DCC: variants seen among roughly 807,000 people sequenced by gnomAD.
DCC encodes the protein netrin receptor DCC.
Under a neutral mutation model 172.5 loss-of-function variants are expected in DCC, and 58 were observed. That is an observed-to-expected ratio of 0.34 (90% CI 0.27 to 0.42). The LOEUF (loss-of-function observed/expected upper bound fraction) is 0.42, where lower values mean the gene tolerates loss of function less well. Ranked by LOEUF, DCC falls within the 10% of genes least tolerant of loss-of-function variation. The pLI is 1.00. For synonymous variants in DCC, 709 were observed against 644.5 expected (o/e 1.10, Z -1.52); for missense variants, 1,740 against 1,791.0 (o/e 0.97, Z 0.51).
chr18:53,325,805 G>T (rs2057461803), intron 14 of DCC, among the ~76,000 whole-genome samples: 1 of 152,126 alleles, frequency 6.6e-6, no homozygotes, highest in Non-Finnish European at 1.5e-5. Flanking sequence ...GAATCATGGG[G>T]AGTACAAACA....
At chr18:53,093,852 C>T (rs914541423) in intron 7 of DCC, among the ~76,000 whole-genome samples, 1 of 152,154 alleles carries the variant, frequency 6.6e-6, no homozygotes, top group African/African-American at 2.4e-5. Flanking sequence ...AACGCCTGAC[C>T]TTGCTCTACT....
intron 12 of DCC, among the ~76,000 whole-genome samples, chr18:53,245,747 C>T (rs1360975404): frequency 6.6e-6 from 1 of 152,008 alleles, no homozygotes. Flanking sequence ...GTTAGAATAC[C>T]TTAGACTGGA....
At chr18:53,190,776 C>G (rs2055354925) in intron 9 of DCC, among the ~76,000 whole-genome samples, 1 of 152,058 alleles carries the variant, frequency 6.6e-6, no homozygotes, top group Non-Finnish European at 1.5e-5. Context: ...GAAACCCCTT[C>G]TCTACTAAAA....
chr18:52,887,505 T>C (rs1401026406), intron 2 of DCC, among the ~76,000 whole-genome samples: 1 of 152,194 alleles, frequency 6.6e-6, no homozygotes, highest in African/African-American at 2.4e-5. Context: ...AGGATACTAA[T>C]CTTAAACTTT....
chr18:52,728,570 C>T (rs2145089705), intron 1 of DCC, among the ~76,000 whole-genome samples: 1 of 152,308 alleles, frequency 6.6e-6, no homozygotes, highest in East Asian at 1.9e-4. Context: ...ATTTCCTCAA[C>T]TCTTTGTTAA....
chr18:52,818,847 A>T (rs538068111), intron 2 of DCC, among the ~76,000 whole-genome samples: 3 of 152,222 alleles, frequency 2.0e-5, no homozygotes, highest in Non-Finnish European at 2.9e-5. Context: ...CATTACCTCC[A>T]TGACAGTGGC....
chr18:52,821,617 G>C (rs2038408411), intron 2 of DCC, among the ~76,000 whole-genome samples: 1 of 152,144 alleles, frequency 6.6e-6, no homozygotes, highest in Non-Finnish European at 1.5e-5. Context: ...TCAGTGACCT[G>C]CATCTTGGGA....
intron 15 of DCC, among the ~76,000 whole-genome samples, chr18:53,343,594 T>A (rs2057686837): frequency 2.0e-5 from 3 of 151,918 alleles, no homozygotes; most frequent in Admixed American, 2.0e-4. Flanking sequence ...ATTCAGTAGG[T>A]TATATATTTG....
intron 22 of DCC, among the ~76,000 whole-genome samples, chr18:53,438,520 G>C (rs1445715302): frequency 1.3e-5 from 2 of 152,156 alleles, no homozygotes; most frequent in African/African-American, 4.8e-5. Flanking sequence ...ATTTATATAT[G>C]CACCCCTAGG....
At chr18:52,561,534 A>C (rs909096874) in intron 1 of DCC, among the ~76,000 whole-genome samples, 7 of 151,998 alleles carry the variant, frequency 4.6e-5, no homozygotes, top group Non-Finnish European at 7.4e-5. Context: ...TCTGTACCTT[A>C]GTTTATACAT....
intron 1 of DCC, among the ~76,000 whole-genome samples, chr18:52,356,949 A>AT (rs1357318268): frequency 1.3e-5 from 2 of 151,936 alleles, no homozygotes; most frequent in Admixed American, 6.6e-5. Flanking sequence ...CACCTGGCTA[A>AT]TTTTTTTGTA....
chr18:53,315,288 T>C (rs923107447), intron 13 of DCC, among the ~76,000 whole-genome samples: 9 of 152,196 alleles, frequency 5.9e-5, no homozygotes, highest in African/African-American at 2.2e-4. Context: ...GCAAAGGACA[T>C]GAACCCATCC....
intron 15 of DCC, among the ~76,000 whole-genome samples, chr18:53,366,755 G>T (rs2058009046): frequency 6.6e-6 from 1 of 152,184 alleles, no homozygotes; most frequent in Non-Finnish European, 1.5e-5. Flanking sequence ...CTTTATGGTT[G>T]TGCATGGTTG....
intron 15 of DCC, among the ~76,000 whole-genome samples, chr18:53,369,836 T>C (rs2058042238): frequency 6.6e-6 from 1 of 151,692 alleles, no homozygotes. Context: ...CTTAATATAA[T>C]ATATGCTGCT....
At chr18:52,617,630 C>A (rs1238010931) in intron 1 of DCC, among the ~76,000 whole-genome samples, 1 of 152,112 alleles carries the variant, frequency 6.6e-6, no homozygotes, top group African/African-American at 2.4e-5. Context: ...CTTCTCCTAA[C>A]CCAGATTTGG....
intron 7 of DCC, among the ~76,000 whole-genome samples, chr18:53,083,959 T>C (rs1452505051): frequency 6.6e-6 from 1 of 152,196 alleles, no homozygotes. Flanking sequence ...TCCCTCTCTT[T>C]GTGGTTCTGA....
At chr18:52,343,257 G>A (rs1455733346) in intron 1 of DCC, among the ~76,000 whole-genome samples, 1 of 152,188 alleles carries the variant, frequency 6.6e-6, no homozygotes, top group East Asian at 1.9e-4. Context: ...AACTTACAAC[G>A]AGAAAGCATA....
intron 27 of DCC, 151 bp from the exon 28 acceptor site, chr18:53,526,466 C>A: frequency 1.2e-6 from 1 of 827,366 alleles, no homozygotes; most frequent in Non-Finnish European, 2.0e-6. Context: ...ATAAAACGAG[C>A]CCACTCATTG....
At chr18:52,644,348 G>A (rs561292860) in intron 1 of DCC, among the ~76,000 whole-genome samples, 1 of 152,280 alleles carries the variant, frequency 6.6e-6, no homozygotes, top group East Asian at 1.9e-4. Context: ...GGAGGCCAAG[G>A]CGGGTGGATC....
Sources: allele counts gnomAD v4.1 joint callset (sites outside exome capture counted in the v4.1 genomes callset), GRCh38; gene constraint gnomAD v4.1.1; transcripts MANE v1.5; gene names NCBI Gene and HGNC (gene_info 2026-07-23, HGNC 2026-07-21).